Variants in COL5A2 observed in about 807,000 individuals in gnomAD.
The protein encoded by COL5A2 is collagen alpha-2(V) chain.
Under a neutral mutation model 208.2 loss-of-function variants are expected in COL5A2, and 23 were observed. The ratio of observed to expected loss-of-function variants is 0.11; its 90% CI spans 0.08 to 0.16. The LOEUF is 0.16. COL5A2 is among the 10% of genes least tolerant of loss of function. COL5A2 has a pLI of 1.00. For synonymous variants in COL5A2, 625 were observed against 628.5 expected, an observed-to-expected ratio of 0.99 and a Z score of 0.08; for missense variants, 1,590 against 1,956.4, an observed-to-expected ratio of 0.81 and a Z score of 3.53.
chr2:189,186,161 T>A (rs1490461431), intron 1 of COL5A2, among the ~76,000 whole-genome samples: 5 of 150,972 alleles, frequency 3.3e-5, no homozygotes, highest in African/African-American at 7.3e-5. Flanking sequence ...CAATCAGCTA[T>A]TTTTTTTTAA....
At chr2:189,365,578 A>G in the COL5A2 span, among the ~76,000 whole-genome samples, 1 of 152,226 alleles carries the variant, frequency 6.6e-6, no homozygotes, top group Admixed American at 6.5e-5. Context: ...AATGGAGACA[A>G]TAACACTGGG....
chr2:189,258,760 C>A, the COL5A2 span, among the ~76,000 whole-genome samples: 1 of 152,034 alleles, frequency 6.6e-6, no homozygotes, highest in African/African-American at 2.4e-5. Context: ...CTCAGCAGCC[C>A]AGAAAAAGCC....
At chr2:189,261,477 C>T in the COL5A2 span, among the ~76,000 whole-genome samples, 1 of 152,112 alleles carries the variant, frequency 6.6e-6, no homozygotes. Flanking sequence ...GACATTTGGT[C>T]AGTCAGTCAG....
chr2:189,037,619 T>C (rs976889619), intron 51 of COL5A2, among the ~76,000 whole-genome samples: 4 of 152,190 alleles, frequency 2.6e-5, no homozygotes, highest in African/African-American at 4.8e-5. Context: ...CTAGGTCATA[T>C]TGGATTAATT....
At chr2:189,399,960 G>C in the COL5A2 span, among the ~76,000 whole-genome samples, 1 of 152,004 alleles carries the variant, frequency 6.6e-6, no homozygotes, top group East Asian at 1.9e-4. Context: ...CTTGGCCTCT[G>C]AAAGTGCTGA....
intron 50 of COL5A2, among the ~76,000 whole-genome samples, chr2:189,040,979 T>C (rs974823725): frequency 1.3e-5 from 2 of 152,152 alleles, no homozygotes; most frequent in African/African-American, 4.8e-5. Context: ...TAAAGACCAA[T>C]GAGGAAGAAA....
rs576397350 is a variant in COL5A2, at chr2:189,050,714, G to C, written c.2932-38C>G. ...ACAAACTAAAATCAGAAACTATCCA[G>C]GGTAAAACTGTACCCAAGGAATTTA... is the stretch of plus-strand genomic sequence containing the variant. On this transcript the variant is annotated intron_variant, in intron 42 of 53. Transcript: ENST00000374866. 3.3e-6 allele frequency: 5 copies of C among 1,493,530 alleles called. No individual in the cohort carries two copies. In the South Asian group the frequency reaches 6.0e-5, roughly 18 times the overall value. 92.5% of individuals were successfully genotyped at this position (1,493,530 alleles called of 1,614,324 possible). A position where few individuals can be genotyped will look rare whatever the true frequency, so the allele number is the denominator to read the frequency against.
At chr2:189,114,572 T>C (rs1687349502) in intron 1 of COL5A2, among the ~76,000 whole-genome samples, 1 of 148,486 alleles carries the variant, frequency 6.7e-6, no homozygotes, top group Non-Finnish European at 1.5e-5. Flanking sequence ...GATTTCTCTA[T>C]CCAAATCATA....
intron 1 of COL5A2, among the ~76,000 whole-genome samples, chr2:189,139,725 G>A (rs758583904): frequency 6.6e-6 from 1 of 152,102 alleles, no homozygotes; most frequent in African/African-American, 2.4e-5. Flanking sequence ...TTGTACTATC[G>A]GTACAATTAT....
At chr2:189,418,764 G>T in the COL5A2 span, among the ~76,000 whole-genome samples, 1 of 152,160 alleles carries the variant, frequency 6.6e-6, no homozygotes, top group African/African-American at 2.4e-5. Flanking sequence ...TCTCTAGCAT[G>T]TAATCTGATG....
chr2:189,170,597 G>A (rs1036564053), intron 1 of COL5A2, among the ~76,000 whole-genome samples: 7 of 152,164 alleles, frequency 4.6e-5, no homozygotes, highest in African/African-American at 1.7e-4. Context: ...ACAGTAAAAA[G>A]TTAGATCTGA....
chr2:189,101,655 C>A (rs1164945549), intron 3 of COL5A2, among the ~76,000 whole-genome samples: 2 of 152,084 alleles, frequency 1.3e-5, no homozygotes, highest in Non-Finnish European at 2.9e-5. Flanking sequence ...CCTTCCAATA[C>A]TATCCTGACA....
chr2:189,143,512 C>T (rs1687975661), intron 1 of COL5A2, among the ~76,000 whole-genome samples: 1 of 152,154 alleles, frequency 6.6e-6, no homozygotes, highest in African/African-American at 2.4e-5. Flanking sequence ...TAAAGTCTCT[C>T]TCATATCCTC....
Position 189,220,575 on chromosome 2 carries a change from T to G in COL5A2, c.-42+4573A>C, listed in dbSNP as rs190681132. Among the ~76,000 whole-genome samples the G allele has an allele frequency of 6.6e-3, 1,000 of 152,296 alleles. 12 individuals carry two copies. The highest frequency in any genetic ancestry group is 0.022 in the African/African-American group (927 of 41,564). On this transcript the variant is annotated intron_variant, in intron 1 of 10. Transcript: ENST00000649966. ...GAAAATTTTTAGTCTCTGATTTTTT[T>G]AAATCAAATATCACTTAGATATACA... is the stretch of plus-strand genomic sequence containing the variant.
At chr2:189,105,554 G>T (rs1559106685) in intron 2 of COL5A2, among the ~76,000 whole-genome samples, 1 of 151,014 alleles carries the variant, frequency 6.6e-6, no homozygotes, top group Non-Finnish European at 1.5e-5. Context: ...TTAGGTTATT[G>T]ATATTTTAAT....
At chr2:189,064,754 A>G (rs1686110244) in intron 24 of COL5A2, 99 bp from the exon 25 acceptor site, 4 of 944,830 alleles carry the variant, frequency 4.2e-6, no homozygotes, top group Non-Finnish European at 6.9e-6. Flanking sequence ...GCACTAATAT[A>G]ACATACAAAT....
At position 189,077,831 on chromosome 2, in the gene COL5A2, G is replaced by A. The variant is rs964035370; in HGVS notation, c.1059+685C>T. Among the ~76,000 whole-genome samples the A allele has an allele frequency of 2.6e-5, 4 of 152,092 alleles. 1 individual carries two copies. The East Asian group carries it at 7.7e-4, about 29-fold the overall frequency. ...ATTGCTAATAGTAATGGGGATGATC[G>A]GATCTTGAAATAATAGAGGAAAGGT... On this transcript the variant is annotated intron_variant, in intron 16 of 53. Coordinates refer to ENST00000374866, the MANE Select transcript of COL5A2 (RefSeq NM_000393.5).
At chr2:189,144,517 C>CA (rs1479538877) in intron 1 of COL5A2, among the ~76,000 whole-genome samples, 1 of 151,282 alleles carries the variant, frequency 6.6e-6, no homozygotes, top group Non-Finnish European at 1.5e-5. Context: ...TGAGAACAAA[C>CA]AAAAATATAT....
chr2:189,324,871 T>C, the COL5A2 span, among the ~76,000 whole-genome samples: 10 of 152,294 alleles, frequency 6.6e-5, no homozygotes, highest in East Asian at 1.7e-3. Context: ...AGCACACATA[T>C]GTCTATTGCG....
Sources: gnomAD v4.1 joint callset for allele counts (sites outside exome capture counted in the v4.1 genomes callset) on GRCh38, gnomAD v4.1.1 for gene constraint, MANE v1.5 for transcripts, NCBI Gene and HGNC (gene_info 2026-07-23, HGNC 2026-07-21) for gene names.